The following ZPLD1 variants were observed in gnomAD, a reference collection of about 807,000 sequenced individuals.
The protein encoded by ZPLD1 is zona pellucida like domain containing 1.
A neutral mutation model predicts 47.2 loss-of-function variants in ZPLD1; 34 were observed. That is an observed-to-expected ratio of 0.72 (90% confidence interval 0.55 to 0.96). The LOEUF (loss-of-function observed/expected upper bound fraction) is 0.96. Among genes scored for constraint, ZPLD1 ranks in the 40% least tolerant of loss-of-function variants. ZPLD1 has a pLI of 0.00. For synonymous variants in ZPLD1, 176 were observed against 186.2 expected, an observed-to-expected ratio of 0.95 and a Z score of 0.45; for missense variants, 512 against 505.8, an observed-to-expected ratio of 1.01 and a Z score of -0.12.
chr3:102,401,017 C>T (rs181906556), intron 7 of ZPLD1, among the ~76,000 whole-genome samples: 3 of 152,184 alleles, frequency 2.0e-5, no homozygotes, highest in Admixed American at 1.3e-4. Flanking sequence ...TAACCCATTG[C>T]ACCCATGACT....
At chr3:102,389,420 CAAAGGTTCTAGGTA>C (rs906826508) in intron 6 of ZPLD1, among the ~76,000 whole-genome samples, 3 of 152,048 alleles carry the variant, frequency 2.0e-5, no homozygotes, top group Non-Finnish European at 4.4e-5. Flanking sequence ...CTTAAATGAA[CAAAGGTTCTAGGTA>C]AAAGTATGTA....
At chr3:102,411,876 C>A (rs1279169785) in intron 7 of ZPLD1, among the ~76,000 whole-genome samples, 4 of 151,746 alleles carry the variant, frequency 2.6e-5, no homozygotes, top group Non-Finnish European at 5.9e-5. Context: ...ATCTCAATGT[C>A]TTAATGTCTC....
At position 102,407,442 on chromosome 3, in the gene ZPLD1, T is replaced by TAC. The variant is rs746526325; in HGVS notation, c.-156-10612_-156-10611dup. Among the ~76,000 whole-genome samples the TAC allele has an allele frequency of 9.5e-3, 909 of 95,310 alleles. 22 individuals are homozygous for TAC. The highest frequency in any genetic ancestry group is 0.013 in the Non-Finnish European group (588 of 45,034). The allele number at this position is 95,310 out of a possible 152,430, so 62.5% of individuals were successfully genotyped here. On this transcript the variant is annotated intron_variant, in intron 7 of 17. Coordinates refer to the ZPLD1 transcript ENST00000491959. ...ATATATATATATATATATATATATA[T>TAC]ACACACATATGCCATCCTTTATGAG... is the stretch of plus-strand genomic sequence containing the variant.
In ZPLD1 at chr3:102,421,363, A is replaced by G. The variant is rs191119752; in HGVS notation, c.-9+3156A>G. Among the ~76,000 whole-genome samples, 82 of 152,008 alleles carry G rather than the reference A, an allele frequency of 5.4e-4. No homozygotes were observed. The East Asian group carries it at 0.015, about 29-fold the overall frequency. ...AATTTGTGACCAACTTTTCTATTTC[A>G]AATGTAATTTATCATGATTTTCATG... On this transcript the variant is annotated intron_variant, in intron 8 of 17. Coordinates refer to the ZPLD1 transcript ENST00000491959.
chr3:102,411,115 T>A (rs1706743380), intron 7 of ZPLD1, among the ~76,000 whole-genome samples: 1 of 151,876 alleles, frequency 6.6e-6, no homozygotes, highest in Non-Finnish European at 1.5e-5. Flanking sequence ...AAGAAATACA[T>A]TGGGTTTTAA....
At chr3:102,411,504 T>C (rs534000342) in intron 7 of ZPLD1, among the ~76,000 whole-genome samples, 13 of 151,938 alleles carry the variant, frequency 8.6e-5, no homozygotes, top group African/African-American at 3.1e-4. Context: ...GGTGTTAAAC[T>C]ATTTTCTTAC....
At position 102,425,568 on chromosome 3, in the gene ZPLD1, AC is replaced by A. The variant is rs1242655532; in HGVS notation, c.-9+7362del. 2.6e-5 allele frequency among the ~76,000 whole-genome samples: 4 copies of A among 152,174 alleles called. No individual in the cohort carries two copies. In the South Asian group the frequency reaches 8.3e-4, roughly 32 times the overall value. On this transcript the variant is annotated intron_variant, in intron 8 of 17. Transcript: ENST00000491959. ...ATTGCTAGAACAGCTTACTTTGCCT[AC>A]TGTGGCTCACAGCTATTTCTAGAGC... is the stretch of plus-strand genomic sequence containing the variant.
At chr3:102,467,780 AT>A (rs1707619646) in intron 8 of ZPLD1, among the ~76,000 whole-genome samples, 1 of 151,920 alleles carries the variant, frequency 6.6e-6, no homozygotes, top group South Asian at 2.1e-4. Flanking sequence ...TTCAGTGTAA[AT>A]ACTAGAAGCC....
chr3:102,399,929 G>A (rs571370179), intron 7 of ZPLD1, among the ~76,000 whole-genome samples: 91 of 151,832 alleles, frequency 6.0e-4, no homozygotes, highest in Non-Finnish European at 9.4e-4. Flanking sequence ...AGCAATTCTC[G>A]TGCCTCAGTA....
intron 7 of ZPLD1, among the ~76,000 whole-genome samples, chr3:102,404,412 C>T (rs1292612464): frequency 6.6e-6 from 1 of 151,976 alleles, no homozygotes; most frequent in Non-Finnish European, 1.5e-5. Flanking sequence ...CCTGGATACT[C>T]TGCCTTCACC....
At chr3:102,421,106 A>G (rs1483294552) in intron 8 of ZPLD1, among the ~76,000 whole-genome samples, 4 of 151,922 alleles carry the variant, frequency 2.6e-5, no homozygotes, top group Non-Finnish European at 5.9e-5. Context: ...AAATTTAACC[A>G]TTCAAAAAGT....
chr3:102,393,735 T>TTAAG (rs1277431954), intron 7 of ZPLD1, among the ~76,000 whole-genome samples: 1 of 152,098 alleles, frequency 6.6e-6, no homozygotes, highest in Non-Finnish European at 1.5e-5. Context: ...TCTTTGGCAT[T>TTAAG]TAAGCTACTA....
chr3:102,460,920 A>G (rs1008255977), intron 6 of ZPLD1, among the ~76,000 whole-genome samples: 2 of 151,988 alleles, frequency 1.3e-5, no homozygotes, highest in African/African-American at 4.8e-5. Flanking sequence ...GGGAGCCTGA[A>G]AGATAATCAC....
At position 102,472,075 on chromosome 3, in the gene ZPLD1, C is replaced by A. The variant is rs374851533; in HGVS notation, c.1042+1573C>A. ...GTGGTTTTGGCCCAAAAAATTCAGA[C>A]AATTGCTTTAATTACTTTCCTCCCT... On this transcript the variant is annotated intron_variant, in intron 10 of 11. Transcript: ENST00000466937. Among the ~76,000 whole-genome samples the A allele has an allele frequency of 2.8e-4, 42 of 152,274 alleles. 1 individual carries two copies. In the South Asian group the frequency reaches 8.5e-3, roughly 31 times the overall value.
intron 7 of ZPLD1, among the ~76,000 whole-genome samples, chr3:102,405,928 A>T (rs1336102169): frequency 6.6e-6 from 1 of 151,962 alleles, no homozygotes; most frequent in East Asian, 1.9e-4. Context: ...GCTTCCCGAG[A>T]TTCCTCCCAG....
At chr3:102,415,193 G>A (rs919206041) in intron 7 of ZPLD1, among the ~76,000 whole-genome samples, 20 of 151,650 alleles carry the variant, frequency 1.3e-4, no homozygotes, top group African/African-American at 4.4e-4. Flanking sequence ...AGAGTATCTC[G>A]ACTACAACTC....
At chr3:102,389,631 A>G (rs1471246494) in intron 6 of ZPLD1, among the ~76,000 whole-genome samples, 1 of 152,232 alleles carries the variant, frequency 6.6e-6, no homozygotes, top group South Asian at 2.1e-4. Context: ...TTAGGGCTGA[A>G]TATTGAGACA....
intron 8 of ZPLD1, among the ~76,000 whole-genome samples, chr3:102,424,694 T>A (rs1706921103): frequency 6.6e-6 from 1 of 152,178 alleles, no homozygotes. Context: ...TACATAGTGA[T>A]CTAATATATA....
Position 102,436,876 on chromosome 3 carries a change from G to A in ZPLD1, c.-106G>A. On this transcript the variant is annotated 5_prime_UTR_variant, in exon 2 of 12. The change creates a premature stop within an existing upstream ORF in the 5' untranslated region. Transcript: ENST00000466937. Reference sequence around the variant, plus strand: ...ATTTCTTAGGATACACCTCTGTGTTGGGGACAACAGTGTGGGTCTAGAGTT... The same window carrying A: ...ATTTCTTAGGATACACCTCTGTGTTAGGGACAACAGTGTGGGTCTAGAGTT... 1 of 985,218 alleles carries A rather than the reference G, an allele frequency of 1.0e-6. No individual in the cohort carries two copies. Among genetic ancestry groups the A allele is most frequent in the Non-Finnish European group, 1.2e-6 (1 of 829,772 alleles). 61.0% of individuals were successfully genotyped at this position (985,218 alleles called of 1,614,324 possible).
Sources: allele counts gnomAD v4.1 joint callset (sites outside exome capture counted in the v4.1 genomes callset), GRCh38; gene constraint gnomAD v4.1.1; transcripts MANE v1.5; gene names NCBI Gene and HGNC (gene_info 2026-07-23, HGNC 2026-07-21).